UCHL5: variants seen among roughly 807,000 people sequenced by gnomAD.
The protein encoded by UCHL5 is ubiquitin carboxyl-terminal hydrolase isozyme L5.
Under a neutral mutation model 53.8 loss-of-function variants are expected in UCHL5, and 34 were observed. The ratio of observed to expected loss-of-function variants is 0.63; its 90% CI spans 0.48 to 0.84. The LOEUF (loss-of-function observed/expected upper bound fraction) is 0.84, where lower values mean the gene tolerates loss of function less well. Ranked by LOEUF, UCHL5 falls within the 40% of genes least tolerant of loss-of-function variation. The probability of loss-of-function intolerance (pLI) is 0.00; values close to 1 mark genes in which losing one functional copy is unlikely to be tolerated. For synonymous variants in UCHL5, 111 were observed against 126.3 expected, an observed-to-expected ratio of 0.88 and a Z score of 0.81; for missense variants, 290 against 385.6, an observed-to-expected ratio of 0.75 and a Z score of 2.08.
Position 193,022,932 on chromosome 1 carries a change from T to C in UCHL5, c.837A>G (p.Arg279=), listed in dbSNP as rs745972249. ...CACATTTTTAAAAACATACCTTGTA[T>C]CTTTTTAATTTCTGTACTTCTTCTT... ...LIEEEVQKLK[R]YKIENIRRKH... The change falls in exon 9 of 11, where the codon AGA becomes AGG. Residue 279 remains arginine, a synonymous_variant. Coordinates refer to ENST00000367454, the MANE Select transcript of UCHL5 (RefSeq NM_001199261.3). The C allele has an allele frequency of 1.9e-6, 3 of 1,606,018 alleles. No individual in the cohort carries two copies. Among genetic ancestry groups the C allele is most frequent in the Non-Finnish European group, 2.6e-6 (3 of 1,173,592 alleles).
intron 2 of UCHL5, among the ~76,000 whole-genome samples, chr1:193,051,476 T>TAA (rs375074775): frequency 0.016 from 1,911 of 119,678 alleles, 30 homozygotes; most frequent in African/African-American, 0.04. Context: ...GTGAATTTTG[T>TAA]AAAAAAAAAA....
At position 193,059,334 on chromosome 1, in the gene UCHL5, G is replaced by A. The variant is rs766484506; in HGVS notation, c.-74C>T. On this transcript the variant is annotated 5_prime_UTR_variant, in exon 1 of 11. Transcript: ENST00000367454. This position sits in a 1 kb window ranked among gnomAD's most constrained non-coding sequence, Gnocchi z 4.9. Reference sequence around the variant, plus strand: ...CCCGCACCAGCTGCCGCCGGCCACAGATCTCAGCAAACCCGCCGCCGAGCT... The same window carrying A: ...CCCGCACCAGCTGCCGCCGGCCACAAATCTCAGCAAACCCGCCGCCGAGCT... 6.2e-7 allele frequency: 1 copy of A among 1,606,922 alleles called. No individual in the cohort carries two copies. Among genetic ancestry groups the A allele is most frequent in the South Asian group, 1.1e-5 (1 of 90,328 alleles).
intron 9 of UCHL5, 61 bp downstream of exon 9, chr1:193,022,865 T>G: frequency 8.4e-7 from 1 of 1,196,540 alleles, no homozygotes. Context: ...CAATGTACCT[T>G]CATCTTGAAA....
intron 3 of UCHL5, among the ~76,000 whole-genome samples, chr1:193,040,944 C>A (rs1045155918): frequency 3.9e-5 from 6 of 152,088 alleles, no homozygotes; most frequent in African/African-American, 1.4e-4. Context: ...AACAGCAAAT[C>A]TTCAGGATAG....
chr1:193,051,342 T>C (rs1211928019), intron 2 of UCHL5, among the ~76,000 whole-genome samples: 17 of 152,146 alleles, frequency 1.1e-4, no homozygotes, highest in Admixed American at 1.1e-3. Flanking sequence ...TGTGATAGTG[T>C]GTAGGCAAGT....
In UCHL5 at chr1:193,049,573, A is replaced by T. The variant is rs1320794433; in HGVS notation, c.246+173T>A. ...AACATTGATAGATAATCCCAGAAACAAAAGCTCTTTTGAGATGTCAATAAT... is the reference window on the plus strand; with the variant it reads ...AACATTGATAGATAATCCCAGAAACTAAAGCTCTTTTGAGATGTCAATAAT... On this transcript the variant is annotated intron_variant, in intron 3 of 10. Coordinates refer to ENST00000367454, the MANE Select transcript of UCHL5 (RefSeq NM_001199261.3). 2.7e-5 allele frequency: 12 copies of T among 449,146 alleles called. No individual in the cohort carries two copies. The East Asian group carries it at 4.1e-4, about 15-fold the overall frequency. 27.8% of individuals were successfully genotyped at this position (449,146 alleles called of 1,614,324 possible). A position where few individuals can be genotyped will look rare whatever the true frequency, so the allele number is the denominator to read the frequency against.
chr1:193,025,026 G>C (rs767655898), intron 7 of UCHL5, among the ~76,000 whole-genome samples: 10 of 152,112 alleles, frequency 6.6e-5, no homozygotes, highest in Non-Finnish European at 1.0e-4. Flanking sequence ...AGACAAGCTG[G>C]GGAACTCAGG....
intron 2 of UCHL5, among the ~76,000 whole-genome samples, chr1:193,051,476 T>TAAAAA (rs375074775): frequency 1.7e-5 from 2 of 119,748 alleles, no homozygotes; most frequent in African/African-American, 6.4e-5. Flanking sequence ...GTGAATTTTG[T>TAAAAA]AAAAAAAAAA....
chr1:193,059,468 T>A, upstream of UCHL5: 1 of 1,608,132 alleles, frequency 6.2e-7, no homozygotes, highest in Non-Finnish European at 8.5e-7. This position sits in a 1 kb window ranked among gnomAD's most constrained non-coding sequence, Gnocchi z 4.9. Flanking sequence ...ACATCGAAAC[T>A]CTTCCCAGGC....
chr1:193,048,897 CTTATT>C (rs2102817826), intron 3 of UCHL5, among the ~76,000 whole-genome samples: 1 of 151,724 alleles, frequency 6.6e-6, no homozygotes, highest in African/African-American at 2.4e-5. Flanking sequence ...TTCTTTTTTT[CTTATT>C]TTTTTGAGAC....
chr1:193,038,422 T>C (rs1664375639), intron 3 of UCHL5, among the ~76,000 whole-genome samples: 1 of 142,886 alleles, frequency 7.0e-6, no homozygotes, highest in Non-Finnish European at 1.5e-5. Context: ...GCCACTGCAC[T>C]CCAGCCTGGG....
At position 193,036,344 on chromosome 1, in the gene UCHL5, A is replaced by AACAGG. The variant is rs1395198122; in HGVS notation, c.247-6692_247-6688dup. ...AAAAAAAAAAAAAAAAAAAAAAAAG[A>AACAGG]ACAGGAGTACTATCCTTATATCAGA... On this transcript the variant is annotated intron_variant, in intron 3 of 10. Transcript: ENST00000367454. Among the ~76,000 whole-genome samples, 232 of 146,640 alleles carry AACAGG rather than the reference A, an allele frequency of 1.6e-3. 1 individual carries two copies. Among genetic ancestry groups the AACAGG allele is most frequent in the Middle Eastern group, 3.4e-3 (1 of 290 alleles).
Position 193,014,388 on chromosome 1 carries a change from AGTCAT to A in UCHL5, c.*1958_*1962del, listed in dbSNP as rs1654591136. ...GAAAAATCCTTATACCTATTAATAT[AGTCAT>A]TTTACAAGGATATTTTTCAAATGTC... On this transcript the variant is annotated 3_prime_UTR_variant, in exon 11 of 11. Transcript: ENST00000367454. The A allele has an allele frequency of 6.6e-6, 1 of 152,146 alleles. No homozygotes were observed. The highest frequency in any genetic ancestry group is 6.6e-5 in the Admixed American group (1 of 15,256). 9.4% of individuals were successfully genotyped at this position (152,146 alleles called of 1,614,324 possible).
intron 3 of UCHL5, 139 bp from the exon 4 acceptor site, chr1:193,029,796 T>G: frequency 1.4e-6 from 1 of 720,170 alleles, no homozygotes; most frequent in Non-Finnish European, 2.1e-6. Context: ...ATAAATATGT[T>G]TAATTTCTAT....
chr1:193,017,331 CA>C (rs1655204806), intron 10 of UCHL5, among the ~76,000 whole-genome samples: 1 of 151,554 alleles, frequency 6.6e-6, no homozygotes, highest in South Asian at 2.1e-4. Flanking sequence ...ATAAAAAATA[CA>C]GCAATTAAAA....
In UCHL5 at chr1:193,029,650, T is replaced by C; in HGVS notation, c.254A>G (p.Asn85Ser). The change falls in exon 4 of 11, where the codon AAT becomes AGT. Residue 85 changes from asparagine to serine, a missense_variant. Physicochemically the swap from Asn to Ser is conservative, Grantham distance 46. Transcript: ENST00000367454. ...DTIFFAKQVI[N>S]NACATQAIVS... ...TATGGCTTGAGTAGCACAAGCATTA[T>C]TAATTACCTATAAAATATAAAAGTG... The C allele has an allele frequency of 6.3e-7, 1 of 1,595,218 alleles. No individual in the cohort carries two copies.
At chr1:193,035,324 G>A (rs973625245) in intron 3 of UCHL5, among the ~76,000 whole-genome samples, 1 of 151,972 alleles carries the variant, frequency 6.6e-6, no homozygotes, top group African/African-American at 2.4e-5. Flanking sequence ...AAGACAAAGA[G>A]AGGATCCTAA....
chr1:193,020,433 A>G, intron 10 of UCHL5: 1 of 1,545,344 alleles, frequency 6.5e-7, no homozygotes, highest in Non-Finnish European at 8.7e-7. Context: ...CTTATTAAAG[A>G]ATCCTTCCCC....
At chr1:193,042,552 G>T (rs532254922) in intron 3 of UCHL5, among the ~76,000 whole-genome samples, 2 of 152,222 alleles carry the variant, frequency 1.3e-5, no homozygotes, top group South Asian at 4.1e-4. Flanking sequence ...ACACATTAAA[G>T]GTGGTAATAC....
Sources: allele counts gnomAD v4.1 joint callset (sites outside exome capture counted in the v4.1 genomes callset), GRCh38; gene constraint gnomAD v4.1.1; non-coding constraint Gnocchi (gnomAD v3.1); transcripts MANE v1.5; gene names NCBI Gene and HGNC (gene_info 2026-07-23, HGNC 2026-07-21).